The following LCOR variants were observed in gnomAD, a reference collection of about 807,000 sequenced individuals.
The protein encoded by LCOR is ligand-dependent corepressor.
In LCOR, 14 loss-of-function variants were observed where a neutral mutation model predicts 64.4. That is an observed-to-expected ratio of 0.22 (90% CI 0.14 to 0.34). The LOEUF is 0.34. Ranked by LOEUF, LCOR falls within the 10% of genes least tolerant of loss-of-function variation. The pLI, the probability that LCOR is intolerant of heterozygous loss-of-function variation, is 1.00. For missense variants in LCOR, 1,686 were observed against 1,765.3 expected, an observed-to-expected ratio of 0.96 and a Z score of 0.80; for synonymous variants, 643 against 642.5, an observed-to-expected ratio of 1.00 and a Z score of -0.01.
intron 4 of LCOR, among the ~76,000 whole-genome samples, chr10:96,921,628 A>AT (rs901383323): frequency 6.6e-5 from 10 of 151,932 alleles, no homozygotes; most frequent in African/African-American, 2.4e-4. Context: ...CACCTGGCTA[A>AT]TTTTTTTGTA....
intron 7 of LCOR, chr10:96,962,990 C>T (rs1471363370): frequency 1.3e-5 from 2 of 152,172 alleles, no homozygotes; most frequent in African/African-American, 2.4e-5. Flanking sequence ...CTAACAGTGA[C>T]TTGTATTTTT....
At chr10:96,880,512 C>G (rs1846245564) in intron 2 of LCOR, among the ~76,000 whole-genome samples, 1 of 152,194 alleles carries the variant, frequency 6.6e-6, no homozygotes, top group African/African-American at 2.4e-5. Flanking sequence ...ATTCTCGTGC[C>G]TTACCCTCCT....
chr10:96,949,130 C>T lies in LCOR; in HGVS notation c.73C>T (p.Pro25Ser), dbSNP rs61752727. ...TAGCTCTACTCAGGACCCCAGCCAG[C>T]CCAATAGCACAAAGAACCAAAGCCT... ...KNSSTQDPSQPNSTKNQSLPK... is the reference protein window; with the variant it reads ...KNSSTQDPSQSNSTKNQSLPK... The change falls in exon 6 of 8, where the codon CCC becomes TCC. Residue 25 changes from proline to serine, a missense_variant. Transcript: ENST00000421806. 2 of 1,613,940 alleles carry T rather than the reference C, an allele frequency of 1.2e-6. No homozygotes were observed. Among genetic ancestry groups the T allele is most frequent in the Non-Finnish European group, 1.7e-6 (2 of 1,179,990 alleles).
chr10:96,970,629 T>TTTTA (rs1458939759), intron 7 of LCOR, among the ~76,000 whole-genome samples: 2,750 of 114,654 alleles, frequency 0.024, 99 homozygotes, highest in African/African-American at 0.11. Context: ...ATTTTATTTA[T>TTTTA]TTTATTTTAT....
chr10:96,892,739 G>A (rs1262403232), intron 2 of LCOR, among the ~76,000 whole-genome samples: 2 of 152,130 alleles, frequency 1.3e-5, no homozygotes, highest in African/African-American at 4.8e-5. Context: ...TCTGATACTA[G>A]TATAGCCACT....
At chr10:96,950,397 T>G (rs1847657117) in intron 6 of LCOR, among the ~76,000 whole-genome samples, 1 of 152,164 alleles carries the variant, frequency 6.6e-6, no homozygotes, top group Non-Finnish European at 1.5e-5. Context: ...TTACCATATT[T>G]ACAAAGTTGT....
rs535680276 is a variant in LCOR, at chr10:96,966,960, T to G, written c.333-13833T>G. On this transcript the variant is annotated intron_variant, in intron 7 of 7. Coordinates refer to ENST00000421806, the MANE Select transcript of LCOR (RefSeq NM_001346516.2). ...TACGTTGCCCTGGCTGGTCTCGAAC[T>G]CCTGAGCACAAGTGATTTCTCCCAC... 2.2e-3 allele frequency among the ~76,000 whole-genome samples: 328 copies of G among 152,296 alleles called. 1 individual carries two copies. The highest frequency in any genetic ancestry group is 7.4e-3 in the African/African-American group (307 of 41,562).
intron 4 of LCOR, among the ~76,000 whole-genome samples, chr10:96,924,246 A>G (rs1406306113): frequency 1.3e-5 from 2 of 152,218 alleles, no homozygotes; most frequent in Non-Finnish European, 2.9e-5. Flanking sequence ...TTTGTTACCC[A>G]GGCTGGAGTG....
At chr10:96,848,469 C>G (rs1180716239) in intron 2 of LCOR, among the ~76,000 whole-genome samples, 1 of 152,096 alleles carries the variant, frequency 6.6e-6, no homozygotes, top group African/African-American at 2.4e-5. Context: ...ACCAGCCTGA[C>G]CAACATGGTG....
chr10:96,949,381 C>T lies in LCOR; in HGVS notation c.238+86C>T, dbSNP rs117243916. On this transcript the variant is annotated intron_variant, in intron 6 of 7. Coordinates refer to ENST00000421806, the MANE Select transcript of LCOR (RefSeq NM_001346516.2). The stretch of plus-strand genomic sequence containing the variant: ...AAAAAAGCATTGGCAAGTAGAGCAT[C>T]AGCAGCAATAATAGCATAAAAACTA... 2.2e-3 allele frequency: 2,693 copies of T among 1,199,808 alleles called. 5 individuals carry two copies. Among genetic ancestry groups the T allele is most frequent in the Non-Finnish European group, 3.0e-3 (2,458 of 828,952 alleles). The allele number at this position is 1,199,808 out of a possible 1,614,324, so 74.3% of individuals were successfully genotyped here.
At chr10:96,955,450 C>G in intron 7 of LCOR, 2 of 1,614,150 alleles carry the variant, frequency 1.2e-6, no homozygotes, top group Non-Finnish European at 1.7e-6. Flanking sequence ...AGCTATAGCT[C>G]TTTGGTAATG....
At chr10:96,935,904 A>T (rs1847343220) in intron 4 of LCOR, among the ~76,000 whole-genome samples, 1 of 152,256 alleles carries the variant, frequency 6.6e-6, no homozygotes. Flanking sequence ...TCTCACACCT[A>T]AAGGTGTTGA....
rs561804727 is a variant in LCOR, at chr10:96,860,471, A to G, written c.-330+26992A>G. 3.9e-5 allele frequency among the ~76,000 whole-genome samples: 6 copies of G among 152,298 alleles called. No homozygotes were observed. The East Asian group carries it at 1.2e-3, about 29-fold the overall frequency. On this transcript the variant is annotated intron_variant, in intron 2 of 7. Transcript: ENST00000421806. ...ACCGGAAGCTAGGAAGAAACAAGGA[A>G]GGATTCTTTTCTAGAGCCTTTGGAG... is the stretch of plus-strand genomic sequence containing the variant.
chr10:96,944,122 G>A lies in LCOR; in HGVS notation c.-174G>A, dbSNP rs1223453199. 1.0e-6 allele frequency: 1 copy of A among 985,562 alleles called. No individual in the cohort carries two copies. Among genetic ancestry groups the A allele is most frequent in the African/African-American group, 1.7e-5 (1 of 57,198 alleles). The allele number at this position is 985,562 out of a possible 1,614,324, so 61.1% of individuals were successfully genotyped here. A position where few individuals can be genotyped will look rare whatever the true frequency, so the allele number is the denominator to read the frequency against. ...CCAAGTATTTTTGCAGGGACACTTA[G>A]TCGGTCTGGATGAACCAGCTTCGGG... On this transcript the variant is annotated 5_prime_UTR_variant, in exon 5 of 8. Transcript: ENST00000421806.
intron 7 of LCOR, among the ~76,000 whole-genome samples, chr10:96,968,231 A>G (rs1193805060): frequency 6.6e-6 from 1 of 152,180 alleles, no homozygotes; most frequent in East Asian, 1.9e-4. Context: ...AAAAACATGG[A>G]ACTTGGAACC....
Position 96,983,310 on chromosome 10 carries a change from T to C in LCOR, c.2850T>C (p.Val950=), listed in dbSNP as rs763115525. ...CTGGAGAGAGATTGGAAATCTATGTTCAGTCTAAAATGGATGAGAAGAATG... is the reference window on the plus strand; with the variant it reads ...CTGGAGAGAGATTGGAAATCTATGTCCAGTCTAAAATGGATGAGAAGAATG... The part of the protein sequence containing the change: ...PLPGERLEIY[V]QSKMDEKNAH... The change falls in exon 8 of 8, where the codon GTT becomes GTC. Residue 950 remains valine, a synonymous_variant. Transcript: ENST00000421806. This position sits in a 1 kb window ranked among gnomAD's most constrained non-coding sequence, Gnocchi z 4.5. 1.2e-5 allele frequency: 20 copies of C among 1,614,188 alleles called. No homozygotes were observed. Among genetic ancestry groups the C allele is most frequent in the Non-Finnish European group, 1.5e-5 (18 of 1,180,034 alleles).
chr10:96,850,304 CT>C (rs756097291), intron 2 of LCOR, among the ~76,000 whole-genome samples: 3 of 151,992 alleles, frequency 2.0e-5, no homozygotes, highest in Non-Finnish European at 4.4e-5. Context: ...AATCTTCGCA[CT>C]TTGGGAGGCT....
chr10:96,956,572 C>T (rs1363524111), intron 7 of LCOR: 12 of 985,592 alleles, frequency 1.2e-5, no homozygotes, highest in Non-Finnish European at 1.4e-5. Context: ...TAGTGCTCAC[C>T]CAGAGGGGAA....
At chr10:96,864,554 G>A (rs1845939315) in intron 2 of LCOR, among the ~76,000 whole-genome samples, 1 of 152,128 alleles carries the variant, frequency 6.6e-6, no homozygotes. Context: ...GGAAAAACAG[G>A]GACATCAGTT....
Sources: gnomAD v4.1 joint callset for allele counts (sites outside exome capture counted in the v4.1 genomes callset) on GRCh38, gnomAD v4.1.1 for gene constraint, Gnocchi (gnomAD v3.1) non-coding constraint, MANE v1.5 for transcripts, NCBI Gene and HGNC (gene_info 2026-07-23, HGNC 2026-07-21) for gene names.